Variants in SNX29 observed in about 807,000 individuals in gnomAD.
SNX29 encodes the protein sorting nexin-29.
A neutral mutation model predicts 102.1 loss-of-function variants in SNX29; 78 were observed. The ratio of observed to expected loss-of-function variants is 0.76; its 90% CI spans 0.64 to 0.92. The LOEUF (loss-of-function observed/expected upper bound fraction) is 0.92. SNX29 is among the 40% of genes least tolerant of loss of function. The pLI is 0.00. For synonymous variants in SNX29, 580 were observed against 414.5 expected, an observed-to-expected ratio of 1.40 and a Z score of -4.85; for missense variants, 1,280 against 1,061.7, an observed-to-expected ratio of 1.21 and a Z score of -2.86.
At chr16:12,228,574 C>T (rs1402501471) in intron 14 of SNX29, among the ~76,000 whole-genome samples, 2 of 152,228 alleles carry the variant, frequency 1.3e-5, no homozygotes, top group Non-Finnish European at 1.5e-5. Context: ...CAGTGACTTC[C>T]CGTTGCAATT....
rs180700237 is a variant in SNX29, at chr16:12,461,814, G to A, written c.2038-15905G>A. On this transcript the variant is annotated intron_variant, in intron 18 of 20. Transcript: ENST00000566228. ...TCTACTAAAAATACAAAATTAGCCG[G>A]GCATGGTGGCAGGTGCCTGTAATCC... 2.2e-3 allele frequency among the ~76,000 whole-genome samples: 336 copies of A among 150,458 alleles called. 1 individual carries two copies. Among genetic ancestry groups the A allele is most frequent in the African/African-American group, 7.4e-3 (305 of 40,984 alleles).
At chr16:12,538,821 G>A (rs1168608049) in intron 20 of SNX29, among the ~76,000 whole-genome samples, 7 of 152,178 alleles carry the variant, frequency 4.6e-5, no homozygotes, top group South Asian at 2.1e-4. Flanking sequence ...GTCAGTGGGA[G>A]GGCACTGCAA....
chr16:12,193,670 G>A (rs1342688343), intron 13 of SNX29, among the ~76,000 whole-genome samples: 1 of 152,104 alleles, frequency 6.6e-6, no homozygotes, highest in Admixed American at 6.5e-5. Flanking sequence ...CTTAATATTT[G>A]TATAAGGTGT....
chr16:12,559,606 C>A (rs77883095), intron 20 of SNX29, among the ~76,000 whole-genome samples: 1 of 152,102 alleles, frequency 6.6e-6, no homozygotes, highest in Non-Finnish European at 1.5e-5. Context: ...TTGGGGACTG[C>A]TGCCACGTGA....
At chr16:12,261,024 C>T (rs1199148808) in intron 14 of SNX29, among the ~76,000 whole-genome samples, 2 of 146,070 alleles carry the variant, frequency 1.4e-5, no homozygotes, top group East Asian at 2.1e-4. Context: ...GTGCACGTGT[C>T]CCCGGCTGGA....
intron 14 of SNX29, among the ~76,000 whole-genome samples, chr16:12,206,927 G>A (rs1049737919): frequency 2.0e-5 from 3 of 151,020 alleles, no homozygotes; most frequent in Non-Finnish European, 4.4e-5. Flanking sequence ...ATGAAGTTCA[G>A]GGTCAGCAAA....
chr16:12,344,983 A>C (rs2081747366), intron 15 of SNX29, among the ~76,000 whole-genome samples: 1 of 152,212 alleles, frequency 6.6e-6, no homozygotes, highest in Non-Finnish European at 1.5e-5. Context: ...AATTACACCC[A>C]TTGTGTGGCG....
intron 16 of SNX29, among the ~76,000 whole-genome samples, chr16:12,371,101 T>A (rs1419574836): frequency 6.6e-6 from 1 of 152,218 alleles, no homozygotes; most frequent in East Asian, 1.9e-4. Flanking sequence ...TCCCAGATAT[T>A]CGAAAATGGA....
chr16:12,215,816 C>G (rs2077309073), intron 14 of SNX29, among the ~76,000 whole-genome samples: 1 of 152,192 alleles, frequency 6.6e-6, no homozygotes, highest in Admixed American at 6.5e-5. Flanking sequence ...GCCTGTGGAG[C>G]CAATTAAGCC....
At chr16:12,330,460 A>C (rs926987461) in intron 15 of SNX29, among the ~76,000 whole-genome samples, 1 of 152,192 alleles carries the variant, frequency 6.6e-6, no homozygotes, top group East Asian at 1.9e-4. Context: ...CTTGACGGTC[A>C]TAAGTAATGA....
chr16:12,030,657 C>G (rs1419051964), intron 4 of SNX29, among the ~76,000 whole-genome samples: 1 of 152,170 alleles, frequency 6.6e-6, no homozygotes, highest in Admixed American at 6.5e-5. Flanking sequence ...ATGGAGTGGT[C>G]TTCTTTAATG....
At chr16:12,006,758 A>G (rs2056467552) in intron 3 of SNX29, among the ~76,000 whole-genome samples, 1 of 151,936 alleles carries the variant, frequency 6.6e-6, no homozygotes, top group Non-Finnish European at 1.5e-5. Context: ...AGCTAAGACT[A>G]CAGATGCAAG....
chr16:12,206,271 C>T (rs1418984881), intron 14 of SNX29, among the ~76,000 whole-genome samples: 2 of 151,322 alleles, frequency 1.3e-5, no homozygotes, highest in Admixed American at 6.6e-5. Flanking sequence ...TGGTTTGATC[C>T]AGGGGCTGCA....
intron 13 of SNX29, among the ~76,000 whole-genome samples, chr16:12,159,024 C>G (rs886203796): frequency 7.9e-5 from 12 of 152,192 alleles, no homozygotes; most frequent in Non-Finnish European, 1.2e-4. Flanking sequence ...TAGATGAGCC[C>G]TTCTGGAATT....
At chr16:12,054,696 C>A (rs1244892286) in intron 8 of SNX29, among the ~76,000 whole-genome samples, 1 of 152,190 alleles carries the variant, frequency 6.6e-6, no homozygotes. Flanking sequence ...CATGGGACTT[C>A]TTGGTCCCTG....
intron 18 of SNX29, among the ~76,000 whole-genome samples, chr16:12,464,517 G>A (rs189339181): frequency 7.2e-5 from 11 of 152,126 alleles, no homozygotes; most frequent in East Asian, 3.9e-4. Context: ...GCAGTGATGC[G>A]ATCACAGCTC....
intron 13 of SNX29, among the ~76,000 whole-genome samples, chr16:12,176,055 C>T (rs2076253353): frequency 6.6e-6 from 1 of 151,922 alleles, no homozygotes; most frequent in Non-Finnish European, 1.5e-5. Flanking sequence ...TATCAGGGGA[C>T]ACACTGGCAG....
intron 16 of SNX29, among the ~76,000 whole-genome samples, chr16:12,388,118 G>A (rs767984473): frequency 2.6e-5 from 4 of 152,164 alleles, no homozygotes; most frequent in African/African-American, 7.2e-5. Context: ...TGCACGTGCC[G>A]AGCTTTAGGG....
intron 16 of SNX29, among the ~76,000 whole-genome samples, chr16:12,380,840 CA>C (rs2083085586): frequency 2.1e-5 from 1 of 46,644 alleles, no homozygotes; most frequent in Non-Finnish European, 5.9e-5. Flanking sequence ...CCCACCCACC[CA>C]CCCACCATCT....
Sources: gnomAD v4.1 joint callset for allele counts (sites outside exome capture counted in the v4.1 genomes callset) on GRCh38, gnomAD v4.1.1 for gene constraint, MANE v1.5 for transcripts, NCBI Gene and HGNC (gene_info 2026-07-23, HGNC 2026-07-21) for gene names.